PRKG1: variants seen among roughly 807,000 people sequenced by gnomAD.
The protein encoded by PRKG1 is cGMP-dependent protein kinase 1.
PRKG1 carries 35 observed loss-of-function variants against 88.1 expected under a neutral mutation model. The ratio of observed to expected loss-of-function variants is 0.40; its 90% CI spans 0.30 to 0.53. The LOEUF (loss-of-function observed/expected upper bound fraction) is 0.53, where lower values mean the gene tolerates loss of function less well. Among genes scored for constraint, PRKG1 ranks in the 20% least tolerant of loss-of-function variants. The pLI is 0.59. For missense variants in PRKG1, 540 were observed against 839.8 expected, an observed-to-expected ratio of 0.64 and a Z score of 4.41; for synonymous variants, 303 against 292.5, an observed-to-expected ratio of 1.04 and a Z score of -0.37.
chr10:51,380,526 G>A (rs1010982221), intron 2 of PRKG1, among the ~76,000 whole-genome samples: 5 of 152,186 alleles, frequency 3.3e-5, no homozygotes, highest in Admixed American at 2.0e-4. Context: ...TAGGCCTGGT[G>A]CAGTGGCTCA....
intron 3 of PRKG1, among the ~76,000 whole-genome samples, chr10:51,543,459 G>A (rs1188089222): frequency 6.6e-6 from 1 of 152,216 alleles, no homozygotes; most frequent in Non-Finnish European, 1.5e-5. Flanking sequence ...AAGAAGTATA[G>A]CATCCACATG....
intron 4 of PRKG1, among the ~76,000 whole-genome samples, chr10:51,841,694 CA>C (rs1462802908): frequency 2.0e-5 from 3 of 150,966 alleles, no homozygotes; most frequent in African/African-American, 7.3e-5. Context: ...TGTTTTTTTT[CA>C]TTTTTGATAC....
chr10:51,340,969 T>G (rs941431136), intron 2 of PRKG1, among the ~76,000 whole-genome samples: 1 of 152,306 alleles, frequency 6.6e-6, no homozygotes, highest in East Asian at 1.9e-4. Flanking sequence ...AAAAAAATCC[T>G]CCTCAGAAAC....
At chr10:51,861,196 A>G (rs1429358485) in intron 4 of PRKG1, among the ~76,000 whole-genome samples, 1 of 152,228 alleles carries the variant, frequency 6.6e-6, no homozygotes, top group African/African-American at 2.4e-5. Flanking sequence ...GAGTTCAAAT[A>G]TGCTTAAACA....
At chr10:51,210,933 A>C (rs1838199137) in intron 2 of PRKG1, among the ~76,000 whole-genome samples, 1 of 152,210 alleles carries the variant, frequency 6.6e-6, no homozygotes, top group Non-Finnish European at 1.5e-5. Flanking sequence ...TAATCAATGG[A>C]AAAAGAGGGA....
chr10:51,973,882 G>C (rs572760631), intron 5 of PRKG1, among the ~76,000 whole-genome samples: 1 of 152,006 alleles, frequency 6.6e-6, no homozygotes, highest in Non-Finnish European at 1.5e-5. Context: ...GTTTTGTATG[G>C]CCCAGGAGCT....
At chr10:51,901,959 A>T (rs1394805932) in intron 4 of PRKG1, among the ~76,000 whole-genome samples, 1 of 152,154 alleles carries the variant, frequency 6.6e-6, no homozygotes. Context: ...CTTATGGAGT[A>T]CATGTGATAT....
intron 9 of PRKG1, among the ~76,000 whole-genome samples, chr10:52,198,171 A>G (rs991914980): frequency 2.0e-4 from 30 of 152,216 alleles, no homozygotes; most frequent in African/African-American, 6.5e-4. Context: ...CCACATAGAT[A>G]CTCATTAAAA....
intron 5 of PRKG1, among the ~76,000 whole-genome samples, chr10:51,949,017 A>C (rs1193145865): frequency 6.6e-6 from 1 of 152,154 alleles, no homozygotes; most frequent in Non-Finnish European, 1.5e-5. Flanking sequence ...TGTCAACTAC[A>C]TGATTTTCAT....
intron 2 of PRKG1, among the ~76,000 whole-genome samples, chr10:51,264,263 C>T (rs531065308): frequency 1.3e-5 from 2 of 152,214 alleles, no homozygotes; most frequent in South Asian, 4.1e-4. Flanking sequence ...AGGTTGCATC[C>T]AAAATGTTGA....
At chr10:51,262,108 G>C (rs1027034314) in intron 2 of PRKG1, among the ~76,000 whole-genome samples, 2 of 151,470 alleles carry the variant, frequency 1.3e-5, no homozygotes, top group East Asian at 3.9e-4. Context: ...GGATGGTCTC[G>C]ATCTCCTGAC....
intron 2 of PRKG1, among the ~76,000 whole-genome samples, chr10:51,268,262 G>A (rs1039739565): frequency 1.3e-5 from 2 of 152,132 alleles, no homozygotes; most frequent in Admixed American, 6.5e-5. Context: ...TTTGGGGCAC[G>A]CATTGTCATT....
chr10:51,636,469 C>T (rs1285777425), intron 3 of PRKG1, among the ~76,000 whole-genome samples: 2 of 152,102 alleles, frequency 1.3e-5, no homozygotes, highest in East Asian at 1.9e-4. Context: ...GTAAGCTGAC[C>T]GATATTAAAC....
At chr10:51,925,687 C>T (rs182934185) in intron 5 of PRKG1, among the ~76,000 whole-genome samples, 1 of 152,068 alleles carries the variant, frequency 6.6e-6, no homozygotes, top group Non-Finnish European at 1.5e-5. Context: ...GATCACTTTT[C>T]CCCTAGATTT....
intron 1 of PRKG1, among the ~76,000 whole-genome samples, chr10:51,040,381 C>T (rs1283131902): frequency 8.0e-6 from 1 of 124,258 alleles, no homozygotes; most frequent in Non-Finnish European, 1.6e-5. Context: ...TGCAATGGTG[C>T]AATCTCGGCT....
intron 9 of PRKG1, among the ~76,000 whole-genome samples, chr10:52,226,844 T>C (rs1840401261): frequency 6.6e-6 from 1 of 152,142 alleles, no homozygotes; most frequent in Non-Finnish European, 1.5e-5. Context: ...ATGTCAGTCA[T>C]AATCACCAAA....
chr10:52,269,312 G>A (rs933618405), intron 10 of PRKG1, among the ~76,000 whole-genome samples: 1 of 151,982 alleles, frequency 6.6e-6, no homozygotes, highest in African/African-American at 2.4e-5. Flanking sequence ...TTTATTTTGA[G>A]TTACTACTGA....
At chr10:52,070,357 G>C (rs1179199711) in intron 7 of PRKG1, among the ~76,000 whole-genome samples, 1 of 152,170 alleles carries the variant, frequency 6.6e-6, no homozygotes, top group African/African-American at 2.4e-5. Context: ...TGACATTCAT[G>C]TTCTGCAGCC....
chr10:52,045,284 G>A (rs186646728), intron 5 of PRKG1, among the ~76,000 whole-genome samples: 26 of 152,114 alleles, frequency 1.7e-4, no homozygotes, highest in Admixed American at 1.3e-3. Flanking sequence ...CTGATTTATA[G>A]AGCAACCTAA....
Sources: allele counts gnomAD v4.1 joint callset (sites outside exome capture counted in the v4.1 genomes callset), GRCh38; gene constraint gnomAD v4.1.1; transcripts MANE v1.5; gene names NCBI Gene and HGNC (gene_info 2026-07-23, HGNC 2026-07-21).